Variants in SEPTIN14 observed in about 807,000 individuals in gnomAD.
SEPTIN14 encodes septin-14.
A neutral mutation model predicts 53.6 loss-of-function variants in SEPTIN14; 40 were observed. The ratio of observed to expected loss-of-function variants is 0.75; its 90% CI spans 0.58 to 0.97. The LOEUF (loss-of-function observed/expected upper bound fraction) is 0.97. Ranked by LOEUF, SEPTIN14 falls within the 50% of genes least tolerant of loss-of-function variation. The pLI, the probability that SEPTIN14 is intolerant of heterozygous loss-of-function variation, is 0.00. For missense variants in SEPTIN14, 471 were observed against 508.2 expected, an observed-to-expected ratio of 0.93 and a Z score of 0.70; for synonymous variants, 138 against 166.8, an observed-to-expected ratio of 0.83 and a Z score of 1.33.
intron 2 of SEPTIN14, chr7:55,850,669 T>C (rs1395970816): frequency 6.6e-6 from 1 of 152,194 alleles, no homozygotes; most frequent in East Asian, 1.9e-4. Context: ...CATTTAACTA[T>C]TCCCCACATC....
chr7:55,806,167 T>A (rs943476968), intron 8 of SEPTIN14, among the ~76,000 whole-genome samples: 5 of 151,900 alleles, frequency 3.3e-5, no homozygotes, highest in Non-Finnish European at 7.4e-5. Context: ...CCAGCTAATT[T>A]TTTTTGTATT....
rs931816925 is a variant in SEPTIN14, at chr7:55,827,359, T to C, written c.720+7066A>G. ...AGAGGTCCTACCCTGAGGTTGCTCC[T>C]GTGAAGAGCCACAAGACAGGCATTT... is the stretch of plus-strand genomic sequence containing the variant. On this transcript the variant is annotated intron_variant, in intron 6 of 9. Transcript: ENST00000388975. 2.0e-5 allele frequency among the ~76,000 whole-genome samples: 3 copies of C among 152,180 alleles called. No individual in the cohort carries two copies. The South Asian group carries it at 6.2e-4, about 31-fold the overall frequency.
intron 2 of SEPTIN14, among the ~76,000 whole-genome samples, chr7:55,856,311 C>T (rs1169347039): frequency 3.9e-5 from 6 of 152,108 alleles, no homozygotes; most frequent in African/African-American, 1.4e-4. Context: ...AGGATAATGG[C>T]CTCCAGCAGC....
rs112349116 is a variant in SEPTIN14 at position 55,832,202 on chromosome 7, A to AAC, written c.720+2221_720+2222dup. 5.5e-3 allele frequency among the ~76,000 whole-genome samples: 801 copies of AAC among 145,080 alleles called. 5 individuals are homozygous for AAC. Among genetic ancestry groups the AAC allele is most frequent in the African/African-American group, 0.011 (449 of 39,360 alleles). On this transcript the variant is annotated intron_variant, in intron 6 of 9. Transcript: ENST00000388975. ...AGTGACAGGGCGAGACTCTGTCTCA[A>AAC]ACACACACACACACACACACACACA...
At chr7:55,850,206 T>G (rs1232207714) in intron 2 of SEPTIN14, among the ~76,000 whole-genome samples, 2 of 152,178 alleles carry the variant, frequency 1.3e-5, no homozygotes, top group African/African-American at 4.8e-5. Context: ...GGGCGGTGGC[T>G]CATGCCTGTA....
chr7:55,835,235 C>T lies in SEPTIN14; in HGVS notation c.559-649G>A, dbSNP rs183478630. On this transcript the variant is annotated intron_variant, in intron 5 of 9. Coordinates refer to ENST00000388975, the MANE Select transcript of SEPTIN14 (RefSeq NM_207366.3). ...TTTATTTTTCAGACAGAGTCTGGCT[C>T]TGTTGCCCAGGCTCTGGAGTGCAGT... Among the ~76,000 whole-genome samples, 378 of 151,688 alleles carry T rather than the reference C, an allele frequency of 2.5e-3. 1 individual carries two copies. Among genetic ancestry groups the T allele is most frequent in the Middle Eastern group, 0.01 (3 of 290 alleles).
intron 2 of SEPTIN14, among the ~76,000 whole-genome samples, chr7:55,847,485 C>A (rs759717649): frequency 6.6e-6 from 1 of 152,114 alleles, no homozygotes; most frequent in Non-Finnish European, 1.5e-5. Flanking sequence ...CAAAACTGAA[C>A]ATTATAGCTC....
At chr7:55,810,135 CT>C (rs1339620487) in intron 7 of SEPTIN14, among the ~76,000 whole-genome samples, 1 of 151,792 alleles carries the variant, frequency 6.6e-6, no homozygotes, top group Non-Finnish European at 1.5e-5. Flanking sequence ...CCCGGCCTGT[CT>C]TTTTGATAAT....
intron 2 of SEPTIN14, 44 bp downstream of exon 2, chr7:55,861,899 T>G (rs1030667154): frequency 1.6e-6 from 2 of 1,216,158 alleles, no homozygotes; most frequent in Non-Finnish European, 2.3e-6. Flanking sequence ...TATAATCTTA[T>G]TGAAGTACAA....
chr7:55,811,419 G>T, intron 7 of SEPTIN14: 1 of 455,216 alleles, frequency 2.2e-6, no homozygotes, highest in African/African-American at 2.0e-5. Context: ...CATGGTGTTG[G>T]GTGGAGGCTG....
At chr7:55,798,366 G>A (rs866988713) in intron 9 of SEPTIN14, 24 of 257,136 alleles carry the variant, frequency 9.3e-5, no homozygotes, top group Middle Eastern at 2.6e-3. Flanking sequence ...GGGGGTGGTG[G>A]AACCTGGTAA....
At chr7:55,811,815 A>G (rs1369836179) in intron 7 of SEPTIN14, among the ~76,000 whole-genome samples, 4 of 147,226 alleles carry the variant, frequency 2.7e-5, no homozygotes, top group African/African-American at 1.0e-4. Flanking sequence ...TTTTTTTGAG[A>G]CAGAGTCTCG....
intron 6 of SEPTIN14, among the ~76,000 whole-genome samples, chr7:55,830,347 ATAT>A (rs1295183078): frequency 5.6e-4 from 28 of 50,406 alleles, no homozygotes; most frequent in Admixed American, 1.4e-3. Flanking sequence ...ATATATATAT[ATAT>A]TTTTTTTTTT....
chr7:55,809,309 CTTTTTTTTTT>C (rs780613537), intron 7 of SEPTIN14, among the ~76,000 whole-genome samples: 2 of 88,648 alleles, frequency 2.3e-5, no homozygotes, highest in African/African-American at 4.6e-5. Flanking sequence ...ACTATGCTTA[CTTTTTTTTTT>C]TTTTTTTTTT....
chr7:55,802,070 TCTC>T (rs950244480), intron 9 of SEPTIN14, among the ~76,000 whole-genome samples: 1 of 151,300 alleles, frequency 6.6e-6, no homozygotes, highest in African/African-American at 2.4e-5. Flanking sequence ...AGTGGTGCGA[TCTC>T]AGCTCACTGC....
chr7:55,849,919 A>G (rs1789490970), intron 2 of SEPTIN14, among the ~76,000 whole-genome samples: 1 of 152,212 alleles, frequency 6.6e-6, no homozygotes, highest in Non-Finnish European at 1.5e-5. Flanking sequence ...CAAACTTGAA[A>G]ATAAATAAAT....
chr7:55,819,549 A>G (rs1425008794), intron 6 of SEPTIN14, among the ~76,000 whole-genome samples: 1 of 152,146 alleles, frequency 6.6e-6, no homozygotes, highest in Non-Finnish European at 1.5e-5. Flanking sequence ...AGATCATACC[A>G]CTGCACCCCA....
chr7:55,839,792 C>T (rs1789275679), intron 5 of SEPTIN14, among the ~76,000 whole-genome samples: 2 of 152,052 alleles, frequency 1.3e-5, no homozygotes, highest in African/African-American at 2.4e-5. Context: ...GAAGCCTCAA[C>T]CCCCCAGTAC....
At chr7:55,856,053 G>A (rs1348979189) in intron 2 of SEPTIN14, among the ~76,000 whole-genome samples, 2 of 152,060 alleles carry the variant, frequency 1.3e-5, no homozygotes, top group African/African-American at 4.8e-5. Flanking sequence ...TTGTTATGAG[G>A]AAATACTGAA....
Sources: allele counts gnomAD v4.1 joint callset (sites outside exome capture counted in the v4.1 genomes callset), GRCh38; gene constraint gnomAD v4.1.1; transcripts MANE v1.5; gene names NCBI Gene and HGNC (gene_info 2026-07-23, HGNC 2026-07-21).